The following HS1BP3 variants were observed in gnomAD, a reference collection of about 807,000 sequenced individuals.
The protein encoded by HS1BP3 is HCLS1 binding protein 3, also known as HCLS1-binding protein 3.
A neutral mutation model predicts 33.5 loss-of-function variants in HS1BP3; 32 were observed. The ratio of observed to expected loss-of-function variants is 0.95; its 90% CI spans 0.72 to 1.28. The LOEUF (loss-of-function observed/expected upper bound fraction) is 1.28. HS1BP3 is among the 50% of genes most tolerant of loss of function. The probability of loss-of-function intolerance (pLI) is 0.00; values close to 1 mark genes in which losing one functional copy is unlikely to be tolerated. For synonymous variants in HS1BP3, 187 were observed against 209.2 expected, an observed-to-expected ratio of 0.89 and a Z score of 0.92; for missense variants, 486 against 502.3, an observed-to-expected ratio of 0.97 and a Z score of 0.31.
intron 3 of HS1BP3, among the ~76,000 whole-genome samples, chr2:20,596,945 G>A (rs1473300815): frequency 6.6e-6 from 1 of 152,164 alleles, no homozygotes; most frequent in East Asian, 1.9e-4. Flanking sequence ...GGACTCTGTG[G>A]GTAGGATTTG....
chr2:20,561,553 A>T (rs965858860), intron 5 of HS1BP3, among the ~76,000 whole-genome samples: 2 of 152,024 alleles, frequency 1.3e-5, no homozygotes, highest in African/African-American at 4.8e-5. Context: ...CCCCACCTGC[A>T]CACACATACA....
intron 4 of HS1BP3, among the ~76,000 whole-genome samples, chr2:20,626,987 CA>C (rs1238376599): frequency 2.6e-5 from 4 of 152,188 alleles, no homozygotes; most frequent in African/African-American, 9.6e-5. Context: ...AAGCTGACCC[CA>C]GCCAAGACCC....
intron 5 of HS1BP3, among the ~76,000 whole-genome samples, chr2:20,564,366 C>G (rs1324622278): frequency 6.6e-6 from 1 of 152,274 alleles, no homozygotes; most frequent in African/African-American, 2.4e-5. Flanking sequence ...CACCCTCCAG[C>G]TCTGGGCTCC....
chr2:20,619,291 G>T, intron 6 of HS1BP3, 46 bp from the exon 7 acceptor site: 1 of 1,477,226 alleles, frequency 6.8e-7, no homozygotes. Flanking sequence ...CTGCCACCCC[G>T]TGACAGGAAC....
intron 5 of HS1BP3, 56 bp from the exon 6 acceptor site, chr2:20,624,087 G>A: frequency 1.3e-6 from 2 of 1,590,026 alleles, no homozygotes; most frequent in Admixed American, 3.6e-5. Context: ...GGGATGCCAT[G>A]GCTGCTCTCT....
intron 3 of HS1BP3, among the ~76,000 whole-genome samples, chr2:20,596,742 C>T (rs1693951046): frequency 6.6e-6 from 1 of 152,142 alleles, no homozygotes; most frequent in African/African-American, 2.4e-5. Flanking sequence ...GTACTCTGTC[C>T]TTCTACCCAT....
At chr2:20,564,892 C>T (rs1220093713) in intron 5 of HS1BP3, among the ~76,000 whole-genome samples, 1 of 152,214 alleles carries the variant, frequency 6.6e-6, no homozygotes, top group African/African-American at 2.4e-5. Context: ...AGAGGCAGAA[C>T]TTCCACCACC....
chr2:20,613,638 T>G (rs1272591332), downstream of HS1BP3, among the ~76,000 whole-genome samples: 2 of 152,264 alleles, frequency 1.3e-5, no homozygotes, highest in East Asian at 3.8e-4. Context: ...TAGAGAGAAT[T>G]TGACATGTCT....
At chr2:20,644,595 C>T (rs1230342209) in intron 2 of HS1BP3, among the ~76,000 whole-genome samples, 1 of 152,172 alleles carries the variant, frequency 6.6e-6, no homozygotes, top group Non-Finnish European at 1.5e-5. Context: ...GCATGTTACC[C>T]AGTAAACATT....
rs35579164 is a variant in HS1BP3 at position 20,619,123 on chromosome 2, G to T, written c.1043C>A (p.Pro348His). Residue 348 changes from proline (P) to histidine (H), a missense_variant, in exon 7 of 7, where the codon CCC (proline) becomes CAC (histidine). By Grantham distance (77) the Pro-to-His change is moderately conservative. Transcript: ENST00000304031. ...PVIPRKPAVP[P>H]KAGPAEAVAG... ...CACAGCTTCAGCCGGGCCCGCTTTGGGGGGAACAGCTGGTTTTCTGGGTAT... is the reference window on the plus strand; with the variant it reads ...CACAGCTTCAGCCGGGCCCGCTTTGTGGGGAACAGCTGGTTTTCTGGGTAT... 4 of 1,614,196 alleles carry T rather than the reference G, an allele frequency of 2.5e-6. No individual in the cohort carries two copies. The highest frequency in any genetic ancestry group is 1.3e-5 in the African/African-American group (1 of 75,058).
chr2:20,590,071 C>T (rs531947622), downstream of HS1BP3, among the ~76,000 whole-genome samples: 173 of 152,244 alleles, frequency 1.1e-3, no homozygotes, highest in Admixed American at 3.1e-3. Context: ...AGAGACCACC[C>T]GGTCTCAGCA....
chr2:20,623,917 T>A lies in HS1BP3; in HGVS notation c.899A>T (p.Asp300Val). ...GTACCTGAACAGTTCCTTGGAGGCG[T>A]CCCTGTGGCTGAGGCTGGGTGTGGG... Reference protein sequence around the residue: ...GGPTPSLSHRDASKELFRVEE... With the variant: ...GGPTPSLSHRVASKELFRVEE... The change falls in exon 6 of 7, where the codon GAC (aspartate) becomes GTC (valine). Residue 300 changes from aspartate (D) to valine (V), a missense_variant. Asp to Val is a radical substitution (Grantham distance 152, BLOSUM62 -3). Coordinates refer to ENST00000304031, the MANE Select transcript of HS1BP3 (RefSeq NM_022460.4). 1 of 1,612,358 alleles carries A rather than the reference T, an allele frequency of 6.2e-7. No homozygotes were observed. The highest frequency in any genetic ancestry group is 8.5e-7 in the Non-Finnish European group (1 of 1,179,880).
chr2:20,613,365 G>A (rs966331544), downstream of HS1BP3, among the ~76,000 whole-genome samples: 1 of 152,198 alleles, frequency 6.6e-6, no homozygotes, highest in Non-Finnish European at 1.5e-5. Context: ...AGCCCTTTCC[G>A]ACTACCTCGG....
intron 5 of HS1BP3, among the ~76,000 whole-genome samples, chr2:20,574,268 A>G (rs1693346694): frequency 6.6e-6 from 1 of 152,230 alleles, no homozygotes; most frequent in Non-Finnish European, 1.5e-5. Context: ...CTAAATGGCC[A>G]TAATCAAAGA....
intron 4 of HS1BP3, among the ~76,000 whole-genome samples, chr2:20,629,239 C>T (rs1266279522): frequency 6.6e-6 from 1 of 152,168 alleles, no homozygotes; most frequent in Admixed American, 6.5e-5. Context: ...TTGTCATGAA[C>T]ATGGAGTCGG....
intron 5 of HS1BP3, among the ~76,000 whole-genome samples, chr2:20,572,823 G>A (rs1693307280): frequency 6.6e-6 from 1 of 152,100 alleles, no homozygotes; most frequent in Admixed American, 6.6e-5. Context: ...AGGAACACAG[G>A]TGGCCCCTGC....
intron 2 of HS1BP3, among the ~76,000 whole-genome samples, chr2:20,604,986 A>G (rs867399746): frequency 5.9e-5 from 9 of 152,166 alleles, no homozygotes; most frequent in African/African-American, 1.9e-4. Flanking sequence ...GAAAAGGAAA[A>G]AGAATCATGG....
chr2:20,631,741 T>G (rs913339481), intron 4 of HS1BP3, among the ~76,000 whole-genome samples: 3 of 151,902 alleles, frequency 2.0e-5, no homozygotes, highest in Non-Finnish European at 4.4e-5. Flanking sequence ...TTCTCCACAA[T>G]GGGGCCAGAG....
intron 5 of HS1BP3, among the ~76,000 whole-genome samples, chr2:20,584,112 G>C (rs538074159): frequency 6.6e-6 from 1 of 152,200 alleles, no homozygotes; most frequent in African/African-American, 2.4e-5. Context: ...GGCACTGAGC[G>C]AGGACACAGG....
Sources: allele counts gnomAD v4.1 joint callset (sites outside exome capture counted in the v4.1 genomes callset), GRCh38; gene constraint gnomAD v4.1.1; transcripts MANE v1.5; gene names NCBI Gene and HGNC (gene_info 2026-07-23, HGNC 2026-07-21).